The following ELSPBP1 variants were observed in gnomAD, a reference collection of about 807,000 sequenced individuals.
The protein encoded by ELSPBP1 is epididymal sperm-binding protein 1.
ELSPBP1 carries 38 observed loss-of-function variants against 33.3 expected under a neutral mutation model. The observed-to-expected ratio is 1.14, with a 90% confidence interval of 0.88 to 1.50. The LOEUF is 1.50. ELSPBP1 is among the 40% of genes most tolerant of loss of function. The pLI is 0.00. For synonymous variants in ELSPBP1, 85 were observed against 94.1 expected, an observed-to-expected ratio of 0.90 and a Z score of 0.56; for missense variants, 267 against 263.5, an observed-to-expected ratio of 1.01 and a Z score of -0.09.
intron 1 of ELSPBP1, among the ~76,000 whole-genome samples, chr19:48,000,709 C>T (rs1465210076): frequency 6.6e-6 from 1 of 152,186 alleles, no homozygotes; most frequent in African/African-American, 2.4e-5. Context: ...GGACTCCGAG[C>T]TGTGCGTGTG....
intron 1 of ELSPBP1, 86 bp downstream of exon 1, chr19:47,994,897 T>A (rs898547464): frequency 6.6e-6 from 1 of 152,208 alleles, no homozygotes; most frequent in African/African-American, 2.4e-5. Context: ...TAGAGCATCA[T>A]GGTGCACTAG....
chr19:48,007,607 C>T (rs761400259), intron 1 of ELSPBP1, among the ~76,000 whole-genome samples: 60 of 152,270 alleles, frequency 3.9e-4, no homozygotes, highest in Non-Finnish European at 7.9e-4. Context: ...AAGGAAACGG[C>T]ACGAAGGAAA....
At chr19:47,999,819 G>T (rs1966949367) in intron 1 of ELSPBP1, among the ~76,000 whole-genome samples, 1 of 150,660 alleles carries the variant, frequency 6.6e-6, no homozygotes, top group Admixed American at 6.6e-5. Flanking sequence ...TATCACATAC[G>T]TGATTTTTTT....
intron 4 of ELSPBP1, among the ~76,000 whole-genome samples, chr19:48,016,906 G>A (rs1033612971): frequency 6.6e-6 from 1 of 152,102 alleles, no homozygotes; most frequent in African/African-American, 2.4e-5. Context: ...GCCCTGACCT[G>A]CATTTCAATG....
chr19:48,002,349 T>C (rs1280815068), intron 1 of ELSPBP1, among the ~76,000 whole-genome samples: 1 of 152,100 alleles, frequency 6.6e-6, no homozygotes, highest in Non-Finnish European at 1.5e-5. Flanking sequence ...AGGGTCAAAA[T>C]GAAAGCTTGA....
chr19:48,020,190 G>A (rs1258157032), intron 5 of ELSPBP1, among the ~76,000 whole-genome samples: 3 of 152,252 alleles, frequency 2.0e-5, no homozygotes, highest in African/African-American at 7.2e-5. Flanking sequence ...GGTGGCTCAC[G>A]CCTATAATCC....
chr19:48,013,301 C>A (rs1414519284), intron 2 of ELSPBP1, among the ~76,000 whole-genome samples: 2 of 152,212 alleles, frequency 1.3e-5, no homozygotes, highest in African/African-American at 4.8e-5. Context: ...TTCCCCAGTG[C>A]TCCTGGCCCC....
At chr19:48,001,467 AG>A (rs1483453413) in intron 1 of ELSPBP1, among the ~76,000 whole-genome samples, 2 of 151,800 alleles carry the variant, frequency 1.3e-5, no homozygotes, top group African/African-American at 4.8e-5. Context: ...CTCTTTTATA[AG>A]GGCCCTTGTG....
At chr19:48,008,887 G>C (rs1250239222) in intron 2 of ELSPBP1, 150 bp downstream of exon 2, 2 of 653,446 alleles carry the variant, frequency 3.1e-6, no homozygotes, top group Non-Finnish European at 5.3e-6. Context: ...TGTAATCCCA[G>C]CACTTTGCAG....
chr19:48,003,177 T>C (rs1966983857), intron 1 of ELSPBP1, among the ~76,000 whole-genome samples: 1 of 152,206 alleles, frequency 6.6e-6, no homozygotes, highest in African/African-American at 2.4e-5. Flanking sequence ...GGGCTTGTTT[T>C]ACAGTTGAAT....
In ELSPBP1 at chr19:48,011,390, G is replaced by C. The variant is rs917715696; in HGVS notation, c.70+2653G>C. ...TGATGGTGACAATGATGATGACGATGATAATGATGATGTCAATAATGATGT... is the reference window on the plus strand; with the variant it reads ...TGATGGTGACAATGATGATGACGATCATAATGATGATGTCAATAATGATGT... On this transcript the variant is annotated intron_variant, in intron 2 of 6. Transcript: ENST00000339841. The surrounding 1 kb of genome is among the most constrained non-coding windows in gnomAD (Gnocchi z 4.5). Among the ~76,000 whole-genome samples the C allele has an allele frequency of 1.3e-5, 2 of 151,260 alleles. No homozygotes were observed. The highest frequency in any genetic ancestry group is 2.9e-5 in the Non-Finnish European group (2 of 67,844).
At chr19:48,015,590 A>G (rs1365668518) in intron 3 of ELSPBP1, among the ~76,000 whole-genome samples, 1 of 152,124 alleles carries the variant, frequency 6.6e-6, no homozygotes, top group East Asian at 1.9e-4. Flanking sequence ...CCCAAGAGGC[A>G]GAGGTTGCAG....
rs141906518 is a variant in ELSPBP1, at chr19:47,998,336, G to A, written c.-18+3525G>A. Among the ~76,000 whole-genome samples, 587 of 150,428 alleles carry A rather than the reference G, an allele frequency of 3.9e-3. 1 individual carries two copies. The highest frequency in any genetic ancestry group is 0.014 in the African/African-American group (559 of 40,932). ...CTGAGGCAGGAGAATCGCTTGAACC[G>A]GGGGACAGAGGTTGCAGTGAGCTTA... is the stretch of plus-strand genomic sequence containing the variant. On this transcript the variant is annotated intron_variant, in intron 1 of 6. Coordinates refer to ENST00000339841, the MANE Select transcript of ELSPBP1 (RefSeq NM_022142.5).
chr19:48,005,782 T>G (rs1967011597), intron 1 of ELSPBP1, among the ~76,000 whole-genome samples: 1 of 152,156 alleles, frequency 6.6e-6, no homozygotes, highest in Non-Finnish European at 1.5e-5. Context: ...TTGTTGGAGT[T>G]CACTTGCAAG....
intron 1 of ELSPBP1, among the ~76,000 whole-genome samples, chr19:48,005,209 A>G (rs1568403883): frequency 2.0e-5 from 3 of 152,102 alleles, no homozygotes; most frequent in South Asian, 2.1e-4. Context: ...TCTCAAAAAA[A>G]AAAAGAAAAG....
intron 1 of ELSPBP1, among the ~76,000 whole-genome samples, chr19:48,005,513 T>TG (rs1392190710): frequency 6.6e-6 from 1 of 151,906 alleles, no homozygotes; most frequent in Non-Finnish European, 1.5e-5. Context: ...TGAAGTAACA[T>TG]GGGGGAAGGA....
chr19:48,014,355 G>T, intron 3 of ELSPBP1, 47 bp downstream of exon 3: 1 of 1,587,506 alleles, frequency 6.3e-7, no homozygotes, highest in East Asian at 2.3e-5. Flanking sequence ...GAATAGGGTG[G>T]ATCACAAAAG....
intron 4 of ELSPBP1, among the ~76,000 whole-genome samples, chr19:48,017,572 C>T (rs543682220): frequency 6.6e-6 from 1 of 152,112 alleles, no homozygotes; most frequent in East Asian, 1.9e-4. Context: ...TTTCTTAACC[C>T]TAAACCAAAT....
At chr19:48,005,309 A>T (rs1038215340) in intron 1 of ELSPBP1, among the ~76,000 whole-genome samples, 1 of 152,224 alleles carries the variant, frequency 6.6e-6, no homozygotes, top group Admixed American at 6.5e-5. Context: ...ACAGGACAAC[A>T]GTTGAATAGT....
Sources: gnomAD v4.1 joint callset for allele counts (sites outside exome capture counted in the v4.1 genomes callset) on GRCh38, gnomAD v4.1.1 for gene constraint, Gnocchi (gnomAD v3.1) non-coding constraint, MANE v1.5 for transcripts, NCBI Gene and HGNC (gene_info 2026-07-23, HGNC 2026-07-21) for gene names.